MAGI1: variants seen among roughly 807,000 people sequenced by gnomAD.
MAGI1 encodes the protein membrane associated guanylate kinase, WW and PDZ domain containing 1, also known as membrane-associated guanylate kinase, WW and PDZ domain-containing protein 1.
MAGI1 carries 58 observed loss-of-function variants against 139.9 expected under a neutral mutation model. That is an observed-to-expected ratio of 0.41 (90% CI 0.34 to 0.52). The LOEUF is 0.52. Ranked by LOEUF, MAGI1 falls within the 20% of genes least tolerant of loss-of-function variation. The pLI is 0.12. For missense variants in MAGI1, 1,874 were observed against 1,901.6 expected (o/e 0.99, Z 0.27); for synonymous variants, 812 against 737.9 (o/e 1.10, Z -1.63).
At chr3:65,444,478 C>G (rs1362314791) in intron 7 of MAGI1, among the ~76,000 whole-genome samples, 1 of 152,162 alleles carries the variant, frequency 6.6e-6, no homozygotes, top group Non-Finnish European at 1.5e-5. Flanking sequence ...AACGCCATCT[C>G]TTTTCAAAAT....
chr3:65,433,788 G>A (rs544137951), intron 10 of MAGI1, among the ~76,000 whole-genome samples: 1 of 152,006 alleles, frequency 6.6e-6, no homozygotes, highest in Non-Finnish European at 1.5e-5. Context: ...TCCCTGCCAG[G>A]ATGGGGGGAG....
chr3:65,738,552 G>A (rs568415099), intron 1 of MAGI1, among the ~76,000 whole-genome samples: 21 of 152,324 alleles, frequency 1.4e-4, no homozygotes, highest in Non-Finnish European at 7.4e-5. Context: ...CAGATCCATA[G>A]AAGAATCACT....
intron 12 of MAGI1, among the ~76,000 whole-genome samples, chr3:65,415,033 A>C (rs1015329382): frequency 6.7e-4 from 101 of 151,400 alleles, no homozygotes; most frequent in African/African-American, 2.4e-3. Context: ...AAAAAAAAAA[A>C]ACAGAAGAAG....
intron 1 of MAGI1, among the ~76,000 whole-genome samples, chr3:65,703,360 G>C (rs1261858084): frequency 6.6e-6 from 1 of 152,050 alleles, no homozygotes; most frequent in Non-Finnish European, 1.5e-5. Flanking sequence ...GATTGCCCTG[G>C]ACAAGTTTTC....
At chr3:65,993,462 C>T (rs776813630) in intron 1 of MAGI1, among the ~76,000 whole-genome samples, 1 of 152,146 alleles carries the variant, frequency 6.6e-6, no homozygotes, top group Non-Finnish European at 1.5e-5. Flanking sequence ...ACAAGAATAA[C>T]TCACAGAGAA....
At chr3:65,837,556 A>AC (rs2058667968) in intron 1 of MAGI1, among the ~76,000 whole-genome samples, 1 of 151,908 alleles carries the variant, frequency 6.6e-6, no homozygotes, top group African/African-American at 2.4e-5. Context: ...ATATGCCACG[A>AC]CCCCACCCAG....
chr3:65,429,738 G>A lies in MAGI1; in HGVS notation c.1949C>T (p.Pro650Leu). 1 of 1,613,934 alleles carries A rather than the reference G, an allele frequency of 6.2e-7. No individual in the cohort carries two copies. Among genetic ancestry groups the A allele is most frequent in the Non-Finnish European group, 8.5e-7 (1 of 1,179,964 alleles). Residue 650 changes from proline to leucine, a missense_variant, in exon 12 of 23, where the codon CCA (proline) becomes CTA (leucine). Coordinates refer to ENST00000402939, the MANE Select transcript of MAGI1 (RefSeq NM_001033057.2). The stretch of plus-strand genomic sequence containing the variant: ...TGCGATAGTAAAACCAAAGCCCATT[G>A]GCCCTTTGACAATATGAACAGTTAT... ...ELITVHIVKG[P>L]MGFGFTIADS...
At chr3:65,752,824 AG>A (rs1325955764) in intron 1 of MAGI1, among the ~76,000 whole-genome samples, 1 of 152,192 alleles carries the variant, frequency 6.6e-6, no homozygotes, top group East Asian at 1.9e-4. Flanking sequence ...GCCTGCTTTC[AG>A]CAAGAATCCT....
At chr3:66,008,375 C>G (rs4688631) in intron 1 of MAGI1, among the ~76,000 whole-genome samples, 1 of 151,910 alleles carries the variant, frequency 6.6e-6, no homozygotes, top group African/African-American at 2.4e-5. Flanking sequence ...TCTGGTGAAC[C>G]GAGAGATTTC....
At chr3:65,916,257 C>T (rs112499333) in intron 1 of MAGI1, among the ~76,000 whole-genome samples, 397 of 151,986 alleles carry the variant, frequency 2.6e-3, no homozygotes, top group African/African-American at 9.1e-3. Context: ...TTAGTAGAGA[C>T]GGGGTTTCGC....
At chr3:65,411,635 T>C (rs1945799757) in intron 12 of MAGI1, among the ~76,000 whole-genome samples, 1 of 152,202 alleles carries the variant, frequency 6.6e-6, no homozygotes, top group Non-Finnish European at 1.5e-5. Flanking sequence ...CCTATCACTG[T>C]AATTGGTGCT....
At chr3:65,673,413 T>C (rs903927919) in intron 1 of MAGI1, among the ~76,000 whole-genome samples, 1 of 152,220 alleles carries the variant, frequency 6.6e-6, no homozygotes, top group Non-Finnish European at 1.5e-5. Context: ...AAAATATTTA[T>C]AGTTCAACTA....
chr3:65,904,969 A>G (rs553852959), intron 1 of MAGI1, among the ~76,000 whole-genome samples: 22 of 152,190 alleles, frequency 1.4e-4, no homozygotes, highest in Non-Finnish European at 3.2e-4. Flanking sequence ...TTTCTCTGCA[A>G]TGGAAATCAA....
intron 1 of MAGI1, among the ~76,000 whole-genome samples, chr3:65,795,036 A>C (rs1424711235): frequency 6.6e-6 from 1 of 152,202 alleles, no homozygotes; most frequent in Non-Finnish European, 1.5e-5. Context: ...AGGTAAAATC[A>C]AAAACAGTGA....
At chr3:65,668,313 T>C (rs751352640) in intron 1 of MAGI1, among the ~76,000 whole-genome samples, 1 of 152,226 alleles carries the variant, frequency 6.6e-6, no homozygotes, top group Non-Finnish European at 1.5e-5. Flanking sequence ...AAGCTTATAC[T>C]GGCTCATGAG....
intron 1 of MAGI1, among the ~76,000 whole-genome samples, chr3:65,746,055 A>C (rs1010249804): frequency 6.6e-6 from 1 of 151,590 alleles, no homozygotes; most frequent in Non-Finnish European, 1.5e-5. Context: ...TTCTTTTTTT[A>C]GATGGAGTCT....
rs57460083 is a variant in MAGI1, at chr3:65,852,979, C to CAA, written c.313+185015_313+185016dup. On this transcript the variant is annotated intron_variant, in intron 1 of 22. Transcript: ENST00000402939. ...TGAAACCCCGTATCTACTAAAAATACAAAAAAAAAAAAAAAAAAAATTAGC... is the reference window on the plus strand; with the variant it reads ...TGAAACCCCGTATCTACTAAAAATACAAAAAAAAAAAAAAAAAAAAAATTAGC... Among the ~76,000 whole-genome samples, 305 of 104,258 alleles carry CAA rather than the reference C, an allele frequency of 2.9e-3. 1 individual carries two copies. Among genetic ancestry groups the CAA allele is most frequent in the East Asian group, 0.012 (42 of 3,492 alleles). The allele number at this position is 104,258 out of a possible 152,430, so 68.4% of individuals were successfully genotyped here.
At chr3:65,975,978 G>T (rs540440523) in intron 1 of MAGI1, among the ~76,000 whole-genome samples, 72 of 152,330 alleles carry the variant, frequency 4.7e-4, no homozygotes, top group African/African-American at 1.7e-3. Context: ...AGTTGCTACT[G>T]AATGATGGAG....
At chr3:65,443,177 G>A (rs1948461808) in intron 7 of MAGI1, among the ~76,000 whole-genome samples, 1 of 152,100 alleles carries the variant, frequency 6.6e-6, no homozygotes. Context: ...TATCTTAAAT[G>A]TTTACGGTTT....
Sources: allele counts gnomAD v4.1 joint callset (sites outside exome capture counted in the v4.1 genomes callset), GRCh38; gene constraint gnomAD v4.1.1; transcripts MANE v1.5; gene names NCBI Gene and HGNC (gene_info 2026-07-23, HGNC 2026-07-21).